Variants in CDH18 observed in about 807,000 individuals in gnomAD.
CDH18 encodes cadherin 18.
A neutral mutation model predicts 67.9 loss-of-function variants in CDH18; 31 were observed. The ratio of observed to expected loss-of-function variants is 0.46; its 90% CI spans 0.34 to 0.62. The LOEUF (loss-of-function observed/expected upper bound fraction) is 0.62, where lower values mean the gene tolerates loss of function less well. Among genes scored for constraint, CDH18 ranks in the 20% least tolerant of loss-of-function variants. CDH18 has a pLI of 0.01. For missense variants in CDH18, 890 were observed against 975.5 expected, an observed-to-expected ratio of 0.91 and a Z score of 1.17; for synonymous variants, 362 against 347.2, an observed-to-expected ratio of 1.04 and a Z score of -0.48.
chr5:20,556,471 T>C (rs1046928853), intron 1 of CDH18, among the ~76,000 whole-genome samples: 1 of 152,178 alleles, frequency 6.6e-6, no homozygotes, highest in Admixed American at 6.6e-5. Flanking sequence ...ACTCTTTTTA[T>C]TGAAGACTAT....
intron 1 of CDH18, among the ~76,000 whole-genome samples, chr5:20,347,023 A>G (rs1385577027): frequency 6.6e-6 from 1 of 152,106 alleles, no homozygotes; most frequent in African/African-American, 2.4e-5. Context: ...GAGAGGTTGA[A>G]TTTGGAGCCA....
At chr5:20,562,406 A>T (rs1324989348) in intron 1 of CDH18, among the ~76,000 whole-genome samples, 1 of 151,706 alleles carries the variant, frequency 6.6e-6, no homozygotes, top group Non-Finnish European at 1.5e-5. Context: ...AACCTTATGT[A>T]CCTATGTTAC....
chr5:19,950,071 T>C (rs1168583507), intron 2 of CDH18, among the ~76,000 whole-genome samples: 1 of 151,384 alleles, frequency 6.6e-6, no homozygotes, highest in African/African-American at 2.4e-5. Context: ...TATATATGTA[T>C]ATATCCAATG....
In CDH18 at chr5:20,176,033, A is replaced by T. The variant is rs1282391619; in HGVS notation, c.-518+79411T>A. On this transcript the variant is annotated intron_variant, in intron 2 of 14. Transcript: ENST00000507958. ...TACCTCAATTCCAGAGCAGTTTAAGAGGAAAAGCCTTCATCTTTTTCCCCC... is the reference window on the plus strand; with the variant it reads ...TACCTCAATTCCAGAGCAGTTTAAGTGGAAAAGCCTTCATCTTTTTCCCCC... Among the ~76,000 whole-genome samples, 3 of 152,206 alleles carry T rather than the reference A, an allele frequency of 2.0e-5. No individual in the cohort carries two copies. The East Asian group carries it at 5.8e-4, about 29-fold the overall frequency.
intron 2 of CDH18, among the ~76,000 whole-genome samples, chr5:20,201,919 G>A (rs1212432300): frequency 6.6e-6 from 1 of 152,146 alleles, no homozygotes; most frequent in Admixed American, 6.5e-5. Context: ...TTCAGGCAAG[G>A]TTGCAGCAAT....
chr5:20,029,836 G>A (rs945816052), intron 2 of CDH18, among the ~76,000 whole-genome samples: 1 of 152,164 alleles, frequency 6.6e-6, no homozygotes, highest in African/African-American at 2.4e-5. Flanking sequence ...GAAGCAAATG[G>A]AGAGACTGAG....
At chr5:20,554,874 A>G (rs1757815972) in intron 1 of CDH18, among the ~76,000 whole-genome samples, 1 of 152,170 alleles carries the variant, frequency 6.6e-6, no homozygotes, top group Non-Finnish European at 1.5e-5. Flanking sequence ...TGTCTGGATG[A>G]AGAGACTCAA....
At chr5:20,030,145 G>A (rs1002548430) in intron 2 of CDH18, among the ~76,000 whole-genome samples, 2 of 152,148 alleles carry the variant, frequency 1.3e-5, no homozygotes, top group Non-Finnish European at 2.9e-5. Flanking sequence ...ACTTTACTCT[G>A]TCAATGGCTG....
chr5:19,496,297 A>G (rs888998732), intron 11 of CDH18, among the ~76,000 whole-genome samples: 2 of 152,190 alleles, frequency 1.3e-5, no homozygotes, highest in African/African-American at 4.8e-5. Flanking sequence ...AGTGACTACA[A>G]TCCTCTCTAA....
chr5:19,789,611 A>C (rs1392682807), intron 3 of CDH18, among the ~76,000 whole-genome samples: 2 of 152,166 alleles, frequency 1.3e-5, no homozygotes, highest in Non-Finnish European at 2.9e-5. Flanking sequence ...GTCAATTATT[A>C]AGAATATAAA....
At chr5:19,590,936 A>T in intron 7 of CDH18, 121 bp downstream of exon 7, 1 of 558,988 alleles carries the variant, frequency 1.8e-6, no homozygotes, top group Non-Finnish European at 3.2e-6. Flanking sequence ...TTATATCGCA[A>T]AGTGACAATA....
At chr5:19,949,711 G>A (rs557103816) in intron 2 of CDH18, among the ~76,000 whole-genome samples, 13 of 152,030 alleles carry the variant, frequency 8.6e-5, no homozygotes, top group East Asian at 1.9e-4. Context: ...GATAAAATAC[G>A]ATGGCAATGT....
At chr5:20,204,164 C>G (rs1221101352) in intron 2 of CDH18, among the ~76,000 whole-genome samples, 1 of 151,920 alleles carries the variant, frequency 6.6e-6, no homozygotes, top group East Asian at 1.9e-4. Context: ...CCAAACAGAT[C>G]CAGCCCACTA....
chr5:19,928,242 A>G (rs1213960841), intron 2 of CDH18, among the ~76,000 whole-genome samples: 1 of 152,150 alleles, frequency 6.6e-6, no homozygotes, highest in Non-Finnish European at 1.5e-5. Context: ...TATTATTAAA[A>G]CAGAATTCTT....
intron 8 of CDH18, among the ~76,000 whole-genome samples, chr5:19,564,806 C>T (rs2149901666): frequency 6.6e-6 from 1 of 152,200 alleles, no homozygotes; most frequent in East Asian, 1.9e-4. Flanking sequence ...AGTTCTAAAC[C>T]TGCCCTGGGC....
intron 7 of CDH18, among the ~76,000 whole-genome samples, chr5:19,586,194 T>A (rs936187700): frequency 1.3e-5 from 2 of 152,152 alleles, no homozygotes; most frequent in Non-Finnish European, 2.9e-5. Flanking sequence ...TTTTATTTTA[T>A]TTTTTTATTT....
chr5:20,038,220 C>T lies in CDH18; in HGVS notation c.-517-46206G>A, dbSNP rs560252412. Among the ~76,000 whole-genome samples, 33 of 152,024 alleles carry T rather than the reference C, an allele frequency of 2.2e-4. No homozygotes were observed. In the South Asian group the frequency reaches 6.7e-3, roughly 31 times the overall value. ...GAGGCAGTAATGAATAGCCTACAAA[C>T]CAAAAAAAGCCCAGGACCAGATGGA... On this transcript the variant is annotated intron_variant, in intron 2 of 14. Transcript: ENST00000507958.
In CDH18 at chr5:20,076,685, A is replaced by G. The variant is rs543921200; in HGVS notation, c.-517-84671T>C. 3.3e-5 allele frequency among the ~76,000 whole-genome samples: 5 copies of G among 152,348 alleles called. 1 individual carries two copies. The South Asian group carries it at 1.0e-3, about 32-fold the overall frequency. On this transcript the variant is annotated intron_variant, in intron 2 of 14. Transcript: ENST00000507958. ...GGGCATGAGTATTTGATATCCCAAC[A>G]TATTTTTACACACCTGACAAGTTCG... is the stretch of plus-strand genomic sequence containing the variant.
At chr5:19,640,012 C>T (rs1375493017) in intron 5 of CDH18, among the ~76,000 whole-genome samples, 1 of 152,092 alleles carries the variant, frequency 6.6e-6, no homozygotes, top group African/African-American at 2.4e-5. Context: ...ACATACTATA[C>T]CCAGAGAAAT....
Sources: gnomAD v4.1 joint callset for allele counts (sites outside exome capture counted in the v4.1 genomes callset) on GRCh38, gnomAD v4.1.1 for gene constraint, MANE v1.5 for transcripts, NCBI Gene and HGNC (gene_info 2026-07-23, HGNC 2026-07-21) for gene names.